The following FNDC3A variants were observed in gnomAD, a reference collection of about 807,000 sequenced individuals.
FNDC3A encodes the protein fibronectin type-III domain-containing protein 3A.
In FNDC3A, 32 loss-of-function variants were observed where a neutral mutation model predicts 148.9. The observed-to-expected ratio is 0.21, with a 90% CI of 0.16 to 0.29. FNDC3A has a LOEUF of 0.29. Ranked by LOEUF, FNDC3A falls within the 10% of genes least tolerant of loss-of-function variation. FNDC3A has a pLI of 1.00. For synonymous variants in FNDC3A, 472 were observed against 473.6 expected (o/e 1.00, Z 0.04); for missense variants, 1,191 against 1,452.8 (o/e 0.82, Z 2.93).
chr13:49,043,122 G>GT (rs759290195), intron 2 of FNDC3A, among the ~76,000 whole-genome samples: 6,218 of 136,376 alleles, frequency 0.046, 368 homozygotes, highest in African/African-American at 0.14. Flanking sequence ...CACCCAGCCA[G>GT]TTTTTTTTTT....
chr13:48,984,242 A>G (rs1263869704), intron 1 of FNDC3A, among the ~76,000 whole-genome samples: 3 of 152,222 alleles, frequency 2.0e-5, no homozygotes, highest in Admixed American at 1.3e-4. Flanking sequence ...CATAAAAATG[A>G]CAGCTTTTAC....
intron 2 of FNDC3A, among the ~76,000 whole-genome samples, chr13:49,064,105 G>A (rs1877087937): frequency 6.6e-6 from 1 of 152,182 alleles, no homozygotes; most frequent in South Asian, 2.1e-4. Flanking sequence ...CACTTTGGGA[G>A]GCCGAGGTGG....
intron 2 of FNDC3A, among the ~76,000 whole-genome samples, chr13:49,052,467 G>A (rs1247561861): frequency 2.0e-5 from 3 of 152,162 alleles, no homozygotes; most frequent in Non-Finnish European, 4.4e-5. Flanking sequence ...GCCACTCAGT[G>A]GAGGTACTGG....
chr13:49,103,790 A>T (rs1186563428), intron 3 of FNDC3A, among the ~76,000 whole-genome samples: 1 of 152,212 alleles, frequency 6.6e-6, no homozygotes, highest in Non-Finnish European at 1.5e-5. Flanking sequence ...TTAACTTATC[A>T]TGGGAAACAC....
chr13:48,995,641 T>A (rs918513270), intron 1 of FNDC3A, among the ~76,000 whole-genome samples: 1 of 152,180 alleles, frequency 6.6e-6, no homozygotes, highest in African/African-American at 2.4e-5. Flanking sequence ...CACATTAACA[T>A]ATGGACATTT....
chr13:49,136,386 C>T lies in FNDC3A; in HGVS notation c.545C>T (p.Thr182Ile), dbSNP rs1003943137. The T allele has an allele frequency of 6.2e-7, 1 of 1,613,936 alleles. No homozygotes were observed. Among genetic ancestry groups the T allele is most frequent in the Middle Eastern group, 1.6e-4 (1 of 6,062 alleles). The change falls in exon 6 of 26, where the codon ACA becomes ATA. Residue 182 changes from threonine to isoleucine, a missense_variant. Thr to Ile is a moderately conservative substitution (Grantham distance 89). Around this residue, in one of 3 missense-constraint regions of FNDC3A, gnomAD observed 426 missense variants for 473.2 expected, o/e 0.90. Coordinates refer to ENST00000492622, the MANE Select transcript of FNDC3A (RefSeq NM_001079673.2). ...TTTAGAGATGAACGATCTAGTAAAACATATGAACGTTTGCAGAAAAAATTG... is the reference window on the plus strand; with the variant it reads ...TTTAGAGATGAACGATCTAGTAAAATATATGAACGTTTGCAGAAAAAATTG... ...SNFRDERSSK[T>I]YERLQKKLKD... is the part of the protein sequence containing the mutation.
intron 5 of FNDC3A, among the ~76,000 whole-genome samples, chr13:49,131,953 T>C (rs1183705891): frequency 6.6e-6 from 1 of 152,202 alleles, no homozygotes; most frequent in Non-Finnish European, 1.5e-5. Context: ...TTCACATGGA[T>C]GTCTCTTGCA....
At chr13:49,018,096 C>T (rs1168912153) in intron 2 of FNDC3A, among the ~76,000 whole-genome samples, 3 of 150,854 alleles carry the variant, frequency 2.0e-5, no homozygotes, top group African/African-American at 4.9e-5. Flanking sequence ...TTGCTCTTCT[C>T]GAGGAGTATC....
chr13:49,033,355 G>A (rs937351008), intron 2 of FNDC3A, among the ~76,000 whole-genome samples: 1 of 152,244 alleles, frequency 6.6e-6, no homozygotes, highest in South Asian at 2.1e-4. Context: ...GATAGAAAAC[G>A]AGGTTTGAGG....
intron 23 of FNDC3A, among the ~76,000 whole-genome samples, chr13:49,199,676 C>T (rs1886336187): frequency 6.6e-6 from 1 of 152,148 alleles, no homozygotes; most frequent in Admixed American, 6.5e-5. Flanking sequence ...CCTCTGAGAT[C>T]CTTGAGGGCA....
intron 13 of FNDC3A, among the ~76,000 whole-genome samples, chr13:49,177,123 G>A (rs1174630505): frequency 6.6e-6 from 1 of 152,176 alleles, no homozygotes; most frequent in Non-Finnish European, 1.5e-5. Context: ...TTCTTTTGAT[G>A]TGAAGGGGGT....
At chr13:49,005,525 T>C (rs1952204265) in intron 1 of FNDC3A, among the ~76,000 whole-genome samples, 1 of 151,898 alleles carries the variant, frequency 6.6e-6, no homozygotes, top group Admixed American at 6.6e-5. Context: ...ATTGATTTAT[T>C]GTAAATAGGT....
At chr13:48,977,103 T>C (rs1202812492) in intron 1 of FNDC3A, among the ~76,000 whole-genome samples, 1 of 152,234 alleles carries the variant, frequency 6.6e-6, no homozygotes, top group African/African-American at 2.4e-5. Context: ...GATTTTCTTT[T>C]GTGAGATTTT....
At chr13:49,066,554 T>G (rs1431015437) in intron 2 of FNDC3A, among the ~76,000 whole-genome samples, 1 of 152,224 alleles carries the variant, frequency 6.6e-6, no homozygotes, top group Non-Finnish European at 1.5e-5. Flanking sequence ...AAAATCATTA[T>G]AGATCTCAGT....
chr13:49,081,261 C>T (rs993698107), intron 3 of FNDC3A, among the ~76,000 whole-genome samples: 1 of 152,082 alleles, frequency 6.6e-6, no homozygotes, highest in Non-Finnish European at 1.5e-5. Flanking sequence ...TGATTCCATG[C>T]CACTACATGT....
Position 49,163,362 on chromosome 13 carries a change from G to A in FNDC3A, c.978-3882G>A, listed in dbSNP as rs191851902. 4.1e-3 allele frequency among the ~76,000 whole-genome samples: 622 copies of A among 152,284 alleles called. 3 individuals are homozygous for A. The highest frequency in any genetic ancestry group is 0.014 in the African/African-American group (591 of 41,554). On this transcript the variant is annotated intron_variant, in intron 8 of 25. Coordinates refer to ENST00000492622, the MANE Select transcript of FNDC3A (RefSeq NM_001079673.2). The stretch of plus-strand genomic sequence containing the variant: ...TGGCGGACGCTCCTCCCCCAGCCTC[G>A]CTGCCACCTGGCAGTTCGATCTCAG...
chr13:49,164,342 T>C (rs1428500875), intron 8 of FNDC3A, among the ~76,000 whole-genome samples: 1 of 152,210 alleles, frequency 6.6e-6, no homozygotes, highest in Non-Finnish European at 1.5e-5. Flanking sequence ...TTTTGACAGT[T>C]TGACTATAAT....
At chr13:49,033,417 C>T (rs182318371) in intron 2 of FNDC3A, among the ~76,000 whole-genome samples, 4 of 152,174 alleles carry the variant, frequency 2.6e-5, no homozygotes, top group Admixed American at 2.6e-4. Flanking sequence ...CATCCTGTCT[C>T]TACGTGTATT....
chr13:48,990,007 C>G (rs1358072597), intron 1 of FNDC3A, among the ~76,000 whole-genome samples: 2 of 152,082 alleles, frequency 1.3e-5, no homozygotes, highest in Non-Finnish European at 2.9e-5. Flanking sequence ...ACCTTCGCCT[C>G]CCAAAGTGCT....
Sources: allele counts gnomAD v4.1 joint callset (sites outside exome capture counted in the v4.1 genomes callset), GRCh38; gene constraint gnomAD v4.1.1; regional missense constraint gnomAD v4.1.1; transcripts MANE v1.5; gene names NCBI Gene and HGNC (gene_info 2026-07-23, HGNC 2026-07-21).